Variants in NAALAD2 observed in about 807,000 individuals in gnomAD.
NAALAD2 encodes the protein N-acetylated alpha-linked acidic dipeptidase 2.
A neutral mutation model predicts 95.6 loss-of-function variants in NAALAD2; 89 were observed. The ratio of observed to expected loss-of-function variants is 0.93; its 90% CI spans 0.78 to 1.11. The LOEUF (loss-of-function observed/expected upper bound fraction) is 1.11, where lower values mean the gene tolerates loss of function less well. Ranked by LOEUF, NAALAD2 falls within the 50% of genes least tolerant of loss-of-function variation. The probability of loss-of-function intolerance (pLI) is 0.00; values close to 1 mark genes in which losing one functional copy is unlikely to be tolerated. For missense variants in NAALAD2, 894 were observed against 872.4 expected (o/e 1.02, Z -0.31); for synonymous variants, 264 against 294.4 (o/e 0.90, Z 1.06).
At chr11:90,180,389 T>A (rs917157623) in intron 16 of NAALAD2, among the ~76,000 whole-genome samples, 2 of 152,110 alleles carry the variant, frequency 1.3e-5, no homozygotes, top group Non-Finnish European at 2.9e-5. Context: ...AATCTAGGAC[T>A]AAAAGACTAG....
At chr11:90,133,437 A>G (rs1053913584), upstream of NAALAD2, among the ~76,000 whole-genome samples, 2 of 152,138 alleles carry the variant, frequency 1.3e-5, no homozygotes, top group Non-Finnish European at 2.9e-5. Flanking sequence ...GTCAATGGAA[A>G]GCTTCCCCTT....
At chr11:90,143,380 A>T (rs1323582276) in intron 2 of NAALAD2, among the ~76,000 whole-genome samples, 2 of 152,154 alleles carry the variant, frequency 1.3e-5, no homozygotes, top group Non-Finnish European at 2.9e-5. Flanking sequence ...CTCCGCTAAT[A>T]CACATGAAGT....
At chr11:90,133,253 GT>G (rs372712138), upstream of NAALAD2, among the ~76,000 whole-genome samples, 234 of 152,280 alleles carry the variant, frequency 1.5e-3, 1 homozygote, top group African/African-American at 5.2e-3. Flanking sequence ...ACTACTTTTG[GT>G]TAGATACGTG....
intron 18 of NAALAD2, among the ~76,000 whole-genome samples, chr11:90,186,161 A>G (rs1210363298): frequency 1.3e-5 from 2 of 151,864 alleles, no homozygotes; most frequent in Non-Finnish European, 2.9e-5. Context: ...ATATCTCCCA[A>G]TACTATCCCT....
In NAALAD2 at chr11:90,176,009, T is replaced by TA; in HGVS notation, c.1541dup (p.Tyr514Ter). 6.2e-7 allele frequency: 1 copy of TA among 1,613,898 alleles called. No individual in the cohort carries two copies. The highest frequency in any genetic ancestry group is 8.5e-7 in the Non-Finnish European group (1 of 1,179,954). ...GGGATCTGGAAGTGACTTTGAAGCT[T>TA]ATTTTCAGAGACTTGGAATTGCTTC... ...KLGSGSDFEA[Y>*]FQRLGIASGR... The change falls in exon 15 of 19, where the codon TAT becomes TAAT. Residue 514 changes from tyrosine to a stop codon, truncating the protein, a stop_gained and frameshift_variant. Transcript: ENST00000534061. LOFTEE classifies it high-confidence loss of function.
chr11:90,136,261 T>C (rs1278356833), intron 2 of NAALAD2, among the ~76,000 whole-genome samples: 1 of 152,164 alleles, frequency 6.6e-6, no homozygotes, highest in Non-Finnish European at 1.5e-5. Context: ...TTCAGACTCT[T>C]TCAAATGGGT....
rs1857365043 is a variant in NAALAD2, at chr11:90,192,615, T to A, written c.*868T>A. The A allele has an allele frequency of 6.6e-6, 1 of 151,986 alleles. No homozygotes were observed. Among genetic ancestry groups the A allele is most frequent in the South Asian group, 2.1e-4 (1 of 4,822 alleles). The allele number at this position is 151,986 out of a possible 1,614,324, so 9.4% of individuals were successfully genotyped here. ...TAAACGTGATTATAAAAAACAAGTC[T>A]GCAAGGAAACCAGAATCATATACCT... On this transcript the variant is annotated 3_prime_UTR_variant, in exon 19 of 19. Transcript: ENST00000534061.
intron 13 of NAALAD2, among the ~76,000 whole-genome samples, chr11:90,170,559 G>A (rs556089723): frequency 1.3e-5 from 2 of 152,328 alleles, no homozygotes; most frequent in East Asian, 3.9e-4. Flanking sequence ...AGGGGACAAG[G>A]TCACTGAATT....
chr11:90,158,086 T>C, intron 6 of NAALAD2, 59 bp from the exon 7 acceptor site: 1 of 1,250,942 alleles, frequency 8.0e-7, no homozygotes, highest in Non-Finnish European at 1.2e-6. Flanking sequence ...AAAAAATCCC[T>C]GTATATCTCT....
upstream of NAALAD2, chr11:90,134,648 C>T: frequency 9.6e-7 from 1 of 1,039,986 alleles, no homozygotes; most frequent in African/African-American, 1.6e-5. Context: ...TTGCGAAGGT[C>T]AGCGGAGGCC....
chr11:90,180,504 G>C (rs954947240), intron 16 of NAALAD2, among the ~76,000 whole-genome samples: 5 of 151,956 alleles, frequency 3.3e-5, no homozygotes, highest in African/African-American at 1.2e-4. Flanking sequence ...TAGAGCTCAG[G>C]ATTTCTATTA....
Position 90,159,410 on chromosome 11 carries a change from T to A in NAALAD2, c.989+73T>A, listed in dbSNP as rs1437172330. The A allele has an allele frequency of 6.4e-6, 7 of 1,095,050 alleles. No homozygotes were observed. In the African/African-American group the frequency reaches 1.2e-4, roughly 19 times the overall value. 67.8% of individuals were successfully genotyped at this position (1,095,050 alleles called of 1,614,324 possible). A position where few individuals can be genotyped will look rare whatever the true frequency, so the allele number is the denominator to read the frequency against. ...TGGAAACATGTCAAGATAACTGTTC[T>A]GCCAGGGGTATTTTGCTTATCTCTT... On this transcript the variant is annotated intron_variant, in intron 8 of 18. Coordinates refer to ENST00000534061, the MANE Select transcript of NAALAD2 (RefSeq NM_005467.4).
intron 18 of NAALAD2, among the ~76,000 whole-genome samples, chr11:90,183,367 G>A (rs1857024275): frequency 6.6e-6 from 1 of 152,080 alleles, no homozygotes; most frequent in Non-Finnish European, 1.5e-5. Flanking sequence ...ATCTTTTAGT[G>A]ATGAGAAGCT....
At chr11:90,170,337 G>A (rs937338535) in intron 13 of NAALAD2, among the ~76,000 whole-genome samples, 2 of 152,106 alleles carry the variant, frequency 1.3e-5, no homozygotes, top group African/African-American at 2.4e-5. Flanking sequence ...CTTTGTTCTA[G>A]CAATAGTTCT....
Position 90,181,596 on chromosome 11 carries a change from T to A in NAALAD2, c.1859-24T>A, listed in dbSNP as rs755182892. On this transcript the variant is annotated intron_variant, in intron 16 of 18. Coordinates refer to ENST00000534061, the MANE Select transcript of NAALAD2 (RefSeq NM_005467.4). Reference sequence around the variant, plus strand: ...CTCTGAAATATGAGCTAATTTCTCTTCTTCTTTTCTATTTTTAAAAAAGAC... The same window carrying A: ...CTCTGAAATATGAGCTAATTTCTCTACTTCTTTTCTATTTTTAAAAAAGAC... 14 of 1,505,558 alleles carry A rather than the reference T, an allele frequency of 9.3e-6. No individual in the cohort carries two copies. The Admixed American group carries it at 1.6e-4, about 17-fold the overall frequency. 93.3% of individuals were successfully genotyped at this position (1,505,558 alleles called of 1,614,324 possible).
At chr11:90,189,316 G>A (rs1857254585) in intron 18 of NAALAD2, among the ~76,000 whole-genome samples, 1 of 152,110 alleles carries the variant, frequency 6.6e-6, no homozygotes, top group African/African-American at 2.4e-5. Context: ...ATTTTTTTAA[G>A]CCACTAAGTT....
chr11:90,178,178 C>G (rs1952859554), intron 16 of NAALAD2, 61 bp downstream of exon 16: 1 of 1,487,964 alleles, frequency 6.7e-7, no homozygotes, highest in African/African-American at 1.4e-5. Context: ...GATATTATCT[C>G]CTATGATGAT....
chr11:90,164,954 T>G (rs918257081), intron 11 of NAALAD2, among the ~76,000 whole-genome samples: 1 of 152,182 alleles, frequency 6.6e-6, no homozygotes, highest in Non-Finnish European at 1.5e-5. Context: ...TTATTTTTCC[T>G]GACCCTTTCC....
intron 18 of NAALAD2, among the ~76,000 whole-genome samples, chr11:90,191,052 T>C (rs1374260682): frequency 6.6e-6 from 1 of 152,144 alleles, no homozygotes; most frequent in Non-Finnish European, 1.5e-5. Flanking sequence ...GTCTTACCTT[T>C]GTGGAATGGA....
Sources: allele counts gnomAD v4.1 joint callset (sites outside exome capture counted in the v4.1 genomes callset), GRCh38; gene constraint gnomAD v4.1.1; transcripts MANE v1.5; gene names NCBI Gene and HGNC (gene_info 2026-07-23, HGNC 2026-07-21).